Variants in SCFD2 observed in about 807,000 individuals in gnomAD.
The protein encoded by SCFD2 is sec1 family domain-containing protein 2.
A neutral mutation model predicts 58.9 loss-of-function variants in SCFD2; 54 were observed. The ratio of observed to expected loss-of-function variants is 0.92; its 90% CI spans 0.74 to 1.15. The LOEUF (loss-of-function observed/expected upper bound fraction) is 1.15, where lower values mean the gene tolerates loss of function less well. SCFD2 is among the 50% of genes most tolerant of loss of function. The pLI is 0.00. For synonymous variants in SCFD2, 321 were observed against 335.9 expected (o/e 0.96, Z 0.49); for missense variants, 805 against 836.6 (o/e 0.96, Z 0.47).
At chr4:53,246,552 G>T (rs1226928853) in intron 4 of SCFD2, among the ~76,000 whole-genome samples, 3 of 152,072 alleles carry the variant, frequency 2.0e-5, no homozygotes, top group Non-Finnish European at 4.4e-5. Flanking sequence ...GCACGCCTGT[G>T]ACCATCTAAT....
At chr4:52,876,690 C>A (rs936476888) in intron 8 of SCFD2, among the ~76,000 whole-genome samples, 5 of 137,696 alleles carry the variant, frequency 3.6e-5, no homozygotes, top group Admixed American at 3.3e-4. Flanking sequence ...GTGGAAGTTG[C>A]AGTGAGCCAA....
intron 5 of SCFD2, among the ~76,000 whole-genome samples, chr4:53,018,475 T>C (rs570781137): frequency 6.6e-6 from 1 of 152,322 alleles, no homozygotes; most frequent in South Asian, 2.1e-4. Context: ...AATAATCCAA[T>C]GTCTCACACT....
chr4:53,047,115 A>G (rs1384326905), intron 5 of SCFD2, among the ~76,000 whole-genome samples: 3 of 152,246 alleles, frequency 2.0e-5, no homozygotes, highest in Non-Finnish European at 2.9e-5. Context: ...TTTAAAAAAC[A>G]CAAAGTTCCT....
chr4:53,299,839 G>A (rs1331360951), intron 3 of SCFD2, among the ~76,000 whole-genome samples: 1 of 152,080 alleles, frequency 6.6e-6, no homozygotes, highest in African/African-American at 2.4e-5. Flanking sequence ...TTCATATCCA[G>A]CCAAACTAAG....
At chr4:53,265,461 A>T (rs1308009043) in intron 4 of SCFD2, 1 of 152,166 alleles carries the variant, frequency 6.6e-6, no homozygotes, top group Non-Finnish European at 1.5e-5. Context: ...TCTAGATTTT[A>T]AAAATGTGAA....
intron 5 of SCFD2, among the ~76,000 whole-genome samples, chr4:53,042,870 C>T (rs1324987517): frequency 2.0e-5 from 3 of 152,060 alleles, no homozygotes; most frequent in Admixed American, 1.3e-4. Context: ...CATCTAAATG[C>T]TATCCCTGGT....
chr4:53,304,067 C>G (rs554351093), intron 3 of SCFD2, among the ~76,000 whole-genome samples: 1 of 150,510 alleles, frequency 6.6e-6, no homozygotes, highest in Admixed American at 6.6e-5. Context: ...CAAACCTGCA[C>G]GTTGTGCACA....
Position 53,219,264 on chromosome 4 carries a change from T to A in SCFD2, c.1311+54562A>T, listed in dbSNP as rs1204344867. Among the ~76,000 whole-genome samples the A allele has an allele frequency of 3.3e-5, 5 of 152,214 alleles. No individual in the cohort carries two copies. The East Asian group carries it at 9.6e-4, about 29-fold the overall frequency. On this transcript the variant is annotated intron_variant, in intron 4 of 8. Transcript: ENST00000401642. ...AGTCTACAGAGGCAGGCAGGCCTCC[T>A]TGAGCTGCCGTTGGCTCCACCCAGT...
rs1207868126 is a variant in SCFD2, at chr4:53,352,609, A to T, written c.996T>A (p.Leu332=). ...ENYNVVAPGC[L]SQSSDTTAKA... Reference sequence around the variant, plus strand: ...ACTATATATCTTACCTGGATTGTGAAAGACAGCCTGGTGCAACCACATTAT... The same window carrying T: ...ACTATATATCTTACCTGGATTGTGATAGACAGCCTGGTGCAACCACATTAT... The change falls in exon 2 of 9, where the codon CTT becomes CTA. Residue 332 remains leucine (L), a synonymous_variant. Coordinates refer to ENST00000401642, the MANE Select transcript of SCFD2 (RefSeq NM_152540.4). 6.2e-7 allele frequency: 1 copy of T among 1,613,048 alleles called. No individual in the cohort carries two copies. The highest frequency in any genetic ancestry group is 8.5e-7 in the Non-Finnish European group (1 of 1,179,190).
chr4:53,353,220 C>T lies in SCFD2; in HGVS notation c.839-454G>A, dbSNP rs552884305. ...TCAGGAGTGAAGCTGCAGACCTTCG[C>T]GGTGAGTGTTACAGCTCTTAAGGCA... On this transcript the variant is annotated intron_variant, in intron 1 of 8. Transcript: ENST00000401642. 6.6e-5 allele frequency among the ~76,000 whole-genome samples: 10 copies of T among 152,234 alleles called. No homozygotes were observed. The East Asian group carries it at 1.5e-3, about 24-fold the overall frequency.
chr4:52,907,211 C>T (rs942841639), intron 7 of SCFD2, among the ~76,000 whole-genome samples: 3 of 152,192 alleles, frequency 2.0e-5, no homozygotes, highest in East Asian at 3.8e-4. Context: ...GAGATTGTGT[C>T]CTCCACCTTA....
At chr4:53,008,146 C>G (rs1722019906) in intron 5 of SCFD2, among the ~76,000 whole-genome samples, 1 of 152,182 alleles carries the variant, frequency 6.6e-6, no homozygotes, top group South Asian at 2.1e-4. Flanking sequence ...GGCTAGTAGT[C>G]CAGGGTCATG....
intron 5 of SCFD2, among the ~76,000 whole-genome samples, chr4:53,059,790 C>T (rs1723452424): frequency 6.6e-6 from 1 of 152,018 alleles, no homozygotes; most frequent in Non-Finnish European, 1.5e-5. Flanking sequence ...TATAAGTGTA[C>T]TATATTTTTG....
intron 5 of SCFD2, among the ~76,000 whole-genome samples, chr4:52,981,525 T>C (rs540433080): frequency 6.6e-6 from 1 of 152,178 alleles, no homozygotes; most frequent in East Asian, 1.9e-4. Context: ...AGAGGGTTAT[T>C]AGAAGATAAA....
At chr4:53,092,082 A>G (rs151325860) in intron 5 of SCFD2, among the ~76,000 whole-genome samples, 2,207 of 152,248 alleles carry the variant, frequency 0.014, 19 homozygotes, top group Middle Eastern at 0.034. Context: ...TATATTAGAA[A>G]TTGTCATATG....
At chr4:53,352,554 G>A (rs1245662326) in intron 2 of SCFD2, 44 bp downstream of exon 2, 2 of 1,502,376 alleles carry the variant, frequency 1.3e-6, no homozygotes, top group Non-Finnish European at 1.8e-6. Flanking sequence ...AAAAAGAAAG[G>A]GGAAGACAGA....
intron 5 of SCFD2, among the ~76,000 whole-genome samples, chr4:52,964,378 A>AAG: frequency 6.6e-6 from 1 of 152,220 alleles, no homozygotes; most frequent in African/African-American, 2.4e-5. Flanking sequence ...CATCAGTAGT[A>AAG]ACTGCTAATT....
chr4:53,319,470 T>A (rs940567361), intron 2 of SCFD2, among the ~76,000 whole-genome samples: 14 of 152,108 alleles, frequency 9.2e-5, no homozygotes, highest in African/African-American at 2.7e-4. Flanking sequence ...TTATTTCCAA[T>A]CTAGCTCTAA....
chr4:53,126,691 C>T (rs1725639374), intron 5 of SCFD2, among the ~76,000 whole-genome samples: 1 of 152,206 alleles, frequency 6.6e-6, no homozygotes, highest in Non-Finnish European at 1.5e-5. Context: ...GCAGGTCCCT[C>T]ACACGTGGGA....
Sources: gnomAD v4.1 joint callset for allele counts (sites outside exome capture counted in the v4.1 genomes callset) on GRCh38, gnomAD v4.1.1 for gene constraint, MANE v1.5 for transcripts, NCBI Gene and HGNC (gene_info 2026-07-23, HGNC 2026-07-21) for gene names.